PTPRG: variants seen among roughly 807,000 people sequenced by gnomAD.
PTPRG encodes the protein protein tyrosine phosphatase receptor type G, also known as receptor-type tyrosine-protein phosphatase gamma.
In PTPRG, 102 loss-of-function variants were observed where a neutral mutation model predicts 165.3. The ratio of observed to expected loss-of-function variants is 0.62; its 90% CI spans 0.53 to 0.73. The LOEUF (loss-of-function observed/expected upper bound fraction) is 0.73. PTPRG is among the 30% of genes least tolerant of loss of function. The probability of loss-of-function intolerance (pLI) is 0.00; values close to 1 mark genes in which losing one functional copy is unlikely to be tolerated. For synonymous variants in PTPRG, 675 were observed against 669.5 expected, an observed-to-expected ratio of 1.01 and a Z score of -0.13; for missense variants, 1,866 against 1,861.4, an observed-to-expected ratio of 1.00 and a Z score of -0.05.
intron 15 of PTPRG, among the ~76,000 whole-genome samples, chr3:62,248,529 G>GATTT (rs1469113339): frequency 7.2e-4 from 109 of 152,096 alleles, no homozygotes; most frequent in African/African-American, 2.2e-3. Flanking sequence ...AACACTGACA[G>GATTT]GTACTTATAA....
rs116735472 is a variant in PTPRG, at chr3:62,132,092, C to T, written c.616-510C>T. 2.3e-3 allele frequency among the ~76,000 whole-genome samples: 346 copies of T among 152,260 alleles called. 3 individuals are homozygous for T. The highest frequency in any genetic ancestry group is 7.8e-3 in the African/African-American group (322 of 41,548). ...GACACTGTCTCTTCAAGCTTCTCTC[C>T]CCTCCTCTTCTGCTTTCCATAACTT... On this transcript the variant is annotated intron_variant, in intron 5 of 29. Transcript: ENST00000474889.
chr3:61,691,737 C>T (rs1575592286), intron 1 of PTPRG, among the ~76,000 whole-genome samples: 1 of 152,140 alleles, frequency 6.6e-6, no homozygotes, highest in East Asian at 1.9e-4. Context: ...AGTGCTTTCC[C>T]TGGGGCCACC....
At chr3:62,184,650 A>G (rs542694014) in intron 8 of PTPRG, among the ~76,000 whole-genome samples, 15 of 152,302 alleles carry the variant, frequency 9.8e-5, no homozygotes, top group African/African-American at 3.6e-4. Flanking sequence ...GCAGTCCCCA[A>G]GAAACAGGCA....
chr3:61,616,706 A>T (rs1033057175), intron 1 of PTPRG, among the ~76,000 whole-genome samples: 1 of 152,180 alleles, frequency 6.6e-6, no homozygotes, highest in African/African-American at 2.4e-5. Context: ...CCCCATGGCA[A>T]AGTACTTGGC....
intron 4 of PTPRG, among the ~76,000 whole-genome samples, chr3:62,008,707 G>A (rs1359337912): frequency 6.6e-6 from 1 of 152,238 alleles, no homozygotes; most frequent in African/African-American, 2.4e-5. Context: ...GGTTCAGAAT[G>A]AAACTGTTCC....
chr3:61,758,824 G>A (rs1358450596), intron 2 of PTPRG, among the ~76,000 whole-genome samples: 1 of 152,120 alleles, frequency 6.6e-6, no homozygotes, highest in Non-Finnish European at 1.5e-5. Flanking sequence ...TAAGAAGAAC[G>A]TAAGGAGGAC....
chr3:62,162,283 G>C (rs1451978071), intron 7 of PTPRG, among the ~76,000 whole-genome samples: 1 of 150,784 alleles, frequency 6.6e-6, no homozygotes, highest in Non-Finnish European at 1.5e-5. Context: ...TGCAATTCAA[G>C]GTTAAAATTG....
intron 26 of PTPRG, among the ~76,000 whole-genome samples, chr3:62,279,805 T>C (rs987028321): frequency 6.6e-6 from 1 of 152,122 alleles, no homozygotes; most frequent in African/African-American, 2.4e-5. Flanking sequence ...AATGTAAGAT[T>C]AAACAAAGCC....
intron 2 of PTPRG, among the ~76,000 whole-genome samples, chr3:61,892,051 T>C (rs1039272261): frequency 6.6e-6 from 1 of 152,248 alleles, no homozygotes; most frequent in African/African-American, 2.4e-5. Context: ...CTGGACCATT[T>C]TGAAGAAAGA....
chr3:62,091,677 T>C (rs1701935703), intron 5 of PTPRG, among the ~76,000 whole-genome samples: 1 of 152,162 alleles, frequency 6.6e-6, no homozygotes, highest in African/African-American at 2.4e-5. Flanking sequence ...AGTGTCTACT[T>C]GGTTAGAGAC....
At chr3:61,671,141 T>TC (rs1405260161) in intron 1 of PTPRG, among the ~76,000 whole-genome samples, 2 of 131,806 alleles carry the variant, frequency 1.5e-5, no homozygotes, top group South Asian at 2.2e-4. Flanking sequence ...GAACTTTCTT[T>TC]TTTTTTTTTT....
intron 2 of PTPRG, among the ~76,000 whole-genome samples, chr3:61,838,932 G>A (rs1048305791): frequency 6.6e-6 from 1 of 152,150 alleles, no homozygotes; most frequent in Non-Finnish European, 1.5e-5. Flanking sequence ...ATGCTTAATA[G>A]GCTAGTCTTT....
intron 2 of PTPRG, among the ~76,000 whole-genome samples, chr3:61,986,681 C>T (rs922003262): frequency 1.1e-4 from 16 of 152,126 alleles, no homozygotes; most frequent in East Asian, 3.9e-4. Context: ...TTTGAGAACA[C>T]GGACTTGTGT....
intron 1 of PTPRG, among the ~76,000 whole-genome samples, chr3:61,668,168 AAGGT>A (rs1388173328): frequency 6.6e-6 from 1 of 152,210 alleles, no homozygotes; most frequent in African/African-American, 2.4e-5. Context: ...ATAGTCCAGA[AAGGT>A]AGGAACAAAT....
At chr3:61,686,928 G>T (rs976500758) in intron 1 of PTPRG, among the ~76,000 whole-genome samples, 2 of 152,134 alleles carry the variant, frequency 1.3e-5, no homozygotes, top group African/African-American at 4.8e-5. Context: ...TGGGGAAGAG[G>T]TGAGATAAGG....
At chr3:62,031,361 T>C (rs886527677) in intron 4 of PTPRG, among the ~76,000 whole-genome samples, 6 of 151,928 alleles carry the variant, frequency 3.9e-5, no homozygotes, top group Non-Finnish European at 7.4e-5. Flanking sequence ...GTGGGGGAAA[T>C]GTGTGTCCAG....
intron 2 of PTPRG, among the ~76,000 whole-genome samples, chr3:61,878,678 A>G (rs2037807821): frequency 6.6e-6 from 1 of 151,850 alleles, no homozygotes; most frequent in South Asian, 2.1e-4. Context: ...TTATTTTTTT[A>G]TCTTTAGTAG....
At chr3:62,050,840 A>G (rs1377141359) in intron 4 of PTPRG, among the ~76,000 whole-genome samples, 1 of 152,216 alleles carries the variant, frequency 6.6e-6, no homozygotes, top group African/African-American at 2.4e-5. Context: ...TACATAAAAC[A>G]GCTCCATCCT....
intron 1 of PTPRG, among the ~76,000 whole-genome samples, chr3:61,620,793 T>C (rs910069743): frequency 1.3e-5 from 2 of 151,912 alleles, no homozygotes; most frequent in Admixed American, 1.3e-4. Context: ...CATGCCCAGC[T>C]AGTTTTTGTG....
Sources: allele counts gnomAD v4.1 joint callset (sites outside exome capture counted in the v4.1 genomes callset), GRCh38; gene constraint gnomAD v4.1.1; transcripts MANE v1.5; gene names NCBI Gene and HGNC (gene_info 2026-07-23, HGNC 2026-07-21).